The following ANK1 variants were observed in gnomAD, a reference collection of about 807,000 sequenced individuals.
ANK1 encodes the protein ankyrin-1.
In ANK1, 51 loss-of-function variants were observed where a neutral mutation model predicts 210.4. The ratio of observed to expected loss-of-function variants is 0.24; its 90% CI spans 0.19 to 0.31. ANK1 has a LOEUF of 0.31. ANK1 is among the 10% of genes least tolerant of loss of function. ANK1 has a pLI of 1.00. For synonymous variants in ANK1, 967 were observed against 1,025.9 expected (o/e 0.94, Z 1.10); for missense variants, 2,051 against 2,504.4 (o/e 0.82, Z 3.86).
At chr8:41,805,109 C>G (rs1003400932) in intron 1 of ANK1, among the ~76,000 whole-genome samples, 8 of 150,992 alleles carry the variant, frequency 5.3e-5, no homozygotes, top group African/African-American at 2.0e-4. Context: ...GTTTCTCTCT[C>G]TCATAGAGCT....
intron 12 of ANK1, 30 bp from the exon 13 acceptor site, chr8:41,717,081 C>T (rs368470352): frequency 6.2e-7 from 1 of 1,609,752 alleles, no homozygotes; most frequent in African/African-American, 1.3e-5. Context: ...TAGAACTGTT[C>T]ATACATGCCT....
intron 1 of ANK1, among the ~76,000 whole-genome samples, chr8:41,822,189 G>A (rs976572952): frequency 7.8e-5 from 11 of 140,722 alleles, no homozygotes; most frequent in African/African-American, 2.5e-4. Context: ...AAAGAAAGAA[G>A]GAAAGAAAGA....
At chr8:41,843,139 C>G (rs1017165979) in intron 1 of ANK1, among the ~76,000 whole-genome samples, 1 of 152,192 alleles carries the variant, frequency 6.6e-6, no homozygotes, top group Non-Finnish European at 1.5e-5. Context: ...TGAGCCACCG[C>G]GCCCAGCCAA....
intron 37 of ANK1, among the ~76,000 whole-genome samples, chr8:41,680,234 C>T (rs1440828030): frequency 6.6e-6 from 1 of 152,138 alleles, no homozygotes; most frequent in African/African-American, 2.4e-5. Flanking sequence ...CTTGAGACTT[C>T]CACGGCATTT....
chr8:41,707,157 G>C (rs754568552), intron 17 of ANK1, among the ~76,000 whole-genome samples: 24 of 152,210 alleles, frequency 1.6e-4, no homozygotes, highest in Non-Finnish European at 3.4e-4. Context: ...GTGCTGGCAC[G>C]GTCAAGAGGG....
chr8:41,797,240 T>C lies in ANK1; in HGVS notation c.27+272A>G, dbSNP rs1293798015. ...CCCCAGCGCTATTGCTGACAGGACA[T>C]AATTCAGAGACCCAGGTAGTTGGAA... On this transcript the variant is annotated intron_variant, in intron 1 of 42. Transcript: ENST00000289734. This position sits in a 1 kb window ranked among gnomAD's most constrained non-coding sequence, Gnocchi z 4.0. Among the ~76,000 whole-genome samples, 1 of 152,236 alleles carries C rather than the reference T, an allele frequency of 6.6e-6. No homozygotes were observed. The highest frequency in any genetic ancestry group is 1.5e-5 in the Non-Finnish European group (1 of 68,044).
At chr8:41,830,821 A>T (rs901917262) in intron 1 of ANK1, among the ~76,000 whole-genome samples, 1 of 152,246 alleles carries the variant, frequency 6.6e-6, no homozygotes, top group African/African-American at 2.4e-5. Flanking sequence ...ATAATTTTGC[A>T]GACAGCTCCA....
intron 1 of ANK1, among the ~76,000 whole-genome samples, chr8:41,859,386 G>A (rs901816041): frequency 2.6e-5 from 4 of 152,078 alleles, no homozygotes; most frequent in African/African-American, 4.8e-5. Context: ...TCGCTCTGTC[G>A]CCCAGGCTGG....
At chr8:41,698,249 T>G in intron 23 of ANK1, 128 bp from the exon 24 acceptor site, 1 of 891,698 alleles carries the variant, frequency 1.1e-6, no homozygotes, top group South Asian at 1.4e-5. Context: ...CACAACCTGG[T>G]GGAAGGACCG....
chr8:41,825,670 C>A (rs2150792998), intron 1 of ANK1, among the ~76,000 whole-genome samples: 1 of 152,308 alleles, frequency 6.6e-6, no homozygotes, highest in African/African-American at 2.4e-5. Context: ...TTGGCTGTGT[C>A]CCCACCCAAA....
chr8:41,686,510 G>C (rs887169082), intron 35 of ANK1, among the ~76,000 whole-genome samples: 30 of 152,154 alleles, frequency 2.0e-4, no homozygotes, highest in African/African-American at 7.2e-4. Context: ...AGAATGGGAG[G>C]GGTGTTTGTT....
In ANK1 at chr8:41,665,077, G is replaced by T. The variant is rs1480826382; in HGVS notation, c.5395-1335C>A. ...GGCAGCCAGGGCCCCGGCCACCACGGGGGGCCTGCCTCTCATTCTCCACTG... is the reference window on the plus strand; with the variant it reads ...GGCAGCCAGGGCCCCGGCCACCACGTGGGGCCTGCCTCTCATTCTCCACTG... On this transcript the variant is annotated intron_variant, in intron 39 of 42. Coordinates refer to ENST00000289734, the MANE Select transcript of ANK1 (RefSeq NM_000037.4). 3.8e-6 allele frequency: 6 copies of T among 1,596,610 alleles called. No individual in the cohort carries two copies. In the African/African-American group the frequency reaches 4.0e-5, roughly 11 times the overall value.
At chr8:41,857,408 G>A (rs920393716) in intron 1 of ANK1, among the ~76,000 whole-genome samples, 5 of 150,872 alleles carry the variant, frequency 3.3e-5, no homozygotes, top group Admixed American at 6.6e-5. Flanking sequence ...GACCAGCCTG[G>A]GCAACATGGT....
At chr8:41,688,613 T>G (rs1270135185) in intron 33 of ANK1, 24 bp from the exon 34 acceptor site, 1 of 1,610,518 alleles carries the variant, frequency 6.2e-7, no homozygotes, top group Admixed American at 1.7e-5. Flanking sequence ...AAGGGTGCTT[T>G]GGGTTTTGGA....
At chr8:41,729,597 G>T (rs1296500851) in intron 3 of ANK1, among the ~76,000 whole-genome samples, 1 of 152,214 alleles carries the variant, frequency 6.6e-6, no homozygotes, top group Non-Finnish European at 1.5e-5. Flanking sequence ...TCACTTTGTT[G>T]TCCAGGCTGG....
At chr8:41,788,612 C>T (rs912844069) in intron 1 of ANK1, among the ~76,000 whole-genome samples, 8 of 152,148 alleles carry the variant, frequency 5.3e-5, no homozygotes, top group South Asian at 4.1e-4. Flanking sequence ...AAATATGCTG[C>T]GATATTTAAT....
At chr8:41,842,885 C>T (rs566910932) in intron 1 of ANK1, among the ~76,000 whole-genome samples, 1 of 152,230 alleles carries the variant, frequency 6.6e-6, no homozygotes, top group South Asian at 2.1e-4. Context: ...CTCCTTCTGT[C>T]GCCCAGGCTG....
In ANK1 at chr8:41,726,424, CTG is replaced by C. The variant is rs1213418680; in HGVS notation, c.427-480_427-479del. 2.0e-5 allele frequency among the ~76,000 whole-genome samples: 3 copies of C among 152,174 alleles called. No individual in the cohort carries two copies. The East Asian group carries it at 5.8e-4, about 29-fold the overall frequency. On this transcript the variant is annotated intron_variant, in intron 5 of 42. Transcript: ENST00000289734. ...TTTATTTTTGAGACAGGGTCTCACT[CTG>C]TCACTCAGGTTGGAGTATGGTGGTG...
At chr8:41,865,072 A>G (rs924435025) in intron 1 of ANK1, among the ~76,000 whole-genome samples, 3 of 152,286 alleles carry the variant, frequency 2.0e-5, no homozygotes, top group Admixed American at 2.0e-4. Context: ...AGGGTCTGCG[A>G]GCATCCAGTG....
Sources: gnomAD v4.1 joint callset for allele counts (sites outside exome capture counted in the v4.1 genomes callset) on GRCh38, gnomAD v4.1.1 for gene constraint, Gnocchi (gnomAD v3.1) non-coding constraint, MANE v1.5 for transcripts, NCBI Gene and HGNC (gene_info 2026-07-23, HGNC 2026-07-21) for gene names.